Variants in CCDC138 observed in about 807,000 individuals in gnomAD.
CCDC138 encodes coiled-coil domain-containing protein 138.
In CCDC138, 66 loss-of-function variants were observed where a neutral mutation model predicts 82.3. The ratio of observed to expected loss-of-function variants is 0.80; its 90% CI spans 0.66 to 0.98. CCDC138 has a LOEUF of 0.98. CCDC138 is among the 50% of genes least tolerant of loss of function. The pLI, the probability that CCDC138 is intolerant of heterozygous loss-of-function variation, is 0.00. For missense variants in CCDC138, 816 were observed against 758.9 expected (o/e 1.08, Z -0.88); for synonymous variants, 297 against 265.4 (o/e 1.12, Z -1.16).
Position 108,875,319 on chromosome 2 carries a change from T to TA in CCDC138, c.1833-752dup, listed in dbSNP as rs66522366. ...ATGTACCCTAAAACTTAAAGTATAA[T>TA]AAAAAAAAAAAAAAAAAGAAACAAA... On this transcript the variant is annotated intron_variant, in intron 14 of 14. Coordinates refer to ENST00000295124, the MANE Select transcript of CCDC138 (RefSeq NM_144978.3). Among the ~76,000 whole-genome samples, 220 of 118,464 alleles carry TA rather than the reference T, an allele frequency of 1.9e-3. 4 individuals carry two copies. Among genetic ancestry groups the TA allele is most frequent in the African/African-American group, 8.4e-3 (208 of 24,620 alleles). The allele number at this position is 118,464 out of a possible 152,430, so 77.7% of individuals were successfully genotyped here.
chr2:108,860,199 C>T (rs2104767463), intron 13 of CCDC138, among the ~76,000 whole-genome samples: 1 of 151,932 alleles, frequency 6.6e-6, no homozygotes, highest in Admixed American at 6.6e-5. Context: ...GAATTTGTAT[C>T]TTCAGACTTC....
At position 108,839,247 on chromosome 2, in the gene CCDC138, G is replaced by A. The variant is rs775554715; in HGVS notation, c.1269G>A (p.Glu423=). ...CATTTGTGAATATCAAACTTCACGA[G>A]CCTTTTGTAAAATTTATATATTGGT... The part of the protein sequence containing the change: ...WMPFVNIKLH[E]PFVKFIYWSL... The change falls in exon 11 of 15, where the codon GAG becomes GAA. Residue 423 remains glutamate (E), a synonymous_variant. Transcript: ENST00000295124. 5.0e-6 allele frequency: 8 copies of A among 1,612,752 alleles called. No individual in the cohort carries two copies. The South Asian group carries it at 5.5e-5, about 11-fold the overall frequency.
Position 108,846,795 on chromosome 2 carries a change from G to C in CCDC138, c.1381G>C (p.Val461Leu). ...RLGEDIFKGV[V>L]TKGIQDNSPQ... ...GGGTGAAGACATTTTTAAAGGAGTGGTAACTAAAGGAATTCAGGATAATTC... is the reference window on the plus strand; with the variant it reads ...GGGTGAAGACATTTTTAAAGGAGTGCTAACTAAAGGAATTCAGGATAATTC... Residue 461 changes from valine to leucine, a missense_variant, in exon 12 of 15, where the codon GTA becomes CTA. Transcript: ENST00000295124. The C allele has an allele frequency of 6.2e-7, 1 of 1,612,526 alleles. No homozygotes were observed. The highest frequency in any genetic ancestry group is 8.5e-7 in the Non-Finnish European group (1 of 1,178,838).
At chr2:108,791,425 C>T (rs534553931) in intron 3 of CCDC138, 2 of 465,546 alleles carry the variant, frequency 4.3e-6, no homozygotes, top group African/African-American at 4.1e-5. Flanking sequence ...TAGAATATAC[C>T]ACAGGTAGGT....
chr2:108,825,951 C>CA (rs1336799655), intron 10 of CCDC138, among the ~76,000 whole-genome samples: 3 of 152,298 alleles, frequency 2.0e-5, no homozygotes, highest in African/African-American at 7.2e-5. Context: ...TTTGTCATCT[C>CA]AGTGAGTATG....
intron 10 of CCDC138, among the ~76,000 whole-genome samples, chr2:108,822,909 C>G (rs1228730274): frequency 6.6e-6 from 1 of 151,868 alleles, no homozygotes; most frequent in Admixed American, 6.6e-5. Context: ...AAACCGCTAG[C>G]TAGATGAAGG....
intron 6 of CCDC138, among the ~76,000 whole-genome samples, chr2:108,799,891 A>G (rs559415969): frequency 2.0e-5 from 3 of 152,118 alleles, no homozygotes; most frequent in East Asian, 1.9e-4. Flanking sequence ...CCATGTTGCT[A>G]TTGAGCCCAT....
chr2:108,843,025 G>A (rs1490677997), intron 11 of CCDC138, among the ~76,000 whole-genome samples: 1 of 152,126 alleles, frequency 6.6e-6, no homozygotes, highest in Non-Finnish European at 1.5e-5. Context: ...AAGAAGAGAA[G>A]GAAAGTTTAT....
rs141203437 is a variant in CCDC138 at position 108,876,166 on chromosome 2, T to G, written c.1911T>G (p.His637Gln). The change falls in exon 15 of 15, where the codon CAT becomes CAG. Residue 637 changes from histidine to glutamine, a missense_variant. His to Gln is a conservative substitution (Grantham distance 24, BLOSUM62 0). Transcript: ENST00000295124. ...TACAAAGGACAACAAACCCAGAGCATGCATTTCTCTGTATTAATCTAAATT... is the reference window on the plus strand; with the variant it reads ...TACAAAGGACAACAAACCCAGAGCAGGCATTTCTCTGTATTAATCTAAATT... ...QEIQRTTNPE[H>Q]AFLCINLNST... 1.1e-4 allele frequency: 181 copies of G among 1,612,212 alleles called. No individual in the cohort carries two copies. The African/African-American group carries it at 2.2e-3, about 20-fold the overall frequency.
chr2:108,803,340 C>T (rs1455944478), intron 6 of CCDC138, among the ~76,000 whole-genome samples: 2 of 152,238 alleles, frequency 1.3e-5, no homozygotes, highest in African/African-American at 4.8e-5. Flanking sequence ...CACACTCTGG[C>T]TCATAGAGGC....
chr2:108,880,906 A>C (rs566190320), downstream of CCDC138, among the ~76,000 whole-genome samples: 23 of 152,354 alleles, frequency 1.5e-4, no homozygotes, highest in African/African-American at 5.5e-4. Flanking sequence ...TTCAACTTTC[A>C]AGTCGATTTG....
chr2:108,837,513 A>G (rs1286926925), intron 10 of CCDC138, among the ~76,000 whole-genome samples: 1 of 152,232 alleles, frequency 6.6e-6, no homozygotes, highest in Non-Finnish European at 1.5e-5. Flanking sequence ...AAAAAAGAAT[A>G]TAAAAAGAAA....
chr2:108,831,891 C>G (rs898219216), intron 10 of CCDC138, among the ~76,000 whole-genome samples: 6 of 151,870 alleles, frequency 4.0e-5, no homozygotes, highest in African/African-American at 1.5e-4. Flanking sequence ...GGCCACCATG[C>G]CTGGCTAATT....
chr2:108,866,728 C>T (rs979328042), intron 13 of CCDC138, among the ~76,000 whole-genome samples: 2 of 152,084 alleles, frequency 1.3e-5, no homozygotes, highest in Non-Finnish European at 2.9e-5. Context: ...ACTAAAAATA[C>T]AAACATTAGC....
intron 6 of CCDC138, among the ~76,000 whole-genome samples, chr2:108,803,423 A>G (rs762317809): frequency 3.9e-5 from 6 of 152,058 alleles, no homozygotes; most frequent in Non-Finnish European, 8.8e-5. Context: ...TTAGAGCTTT[A>G]GTGGAAATTA....
intron 14 of CCDC138, 50 bp downstream of exon 14, chr2:108,873,639 G>C (rs1695602467): frequency 3.0e-6 from 4 of 1,339,736 alleles, no homozygotes; most frequent in Non-Finnish European, 4.1e-6. Flanking sequence ...ACCTTACTGT[G>C]ATCATTTAAA....
chr2:108,873,590 G>A lies in CCDC138; in HGVS notation c.1832+1G>A, dbSNP rs1319348138. The A allele has an allele frequency of 3.2e-6, 5 of 1,566,586 alleles. No individual in the cohort carries two copies. Among genetic ancestry groups the A allele is most frequent in the African/African-American group, 1.4e-5 (1 of 73,072 alleles). On this transcript the variant is annotated splice_donor_variant, in intron 14 of 14. Transcript: ENST00000295124. LOFTEE classifies it high-confidence loss of function. ...TTTTACAGAAACTTTCCAAAATCAA[G>A]TAAGAATTTCTTATTTCTAACATTT...
At chr2:108,880,909 T>C (rs1696271984), downstream of CCDC138, among the ~76,000 whole-genome samples, 3 of 152,254 alleles carry the variant, frequency 2.0e-5, no homozygotes, top group Admixed American at 2.0e-4. Context: ...AACTTTCAAG[T>C]CGATTTGCTT....
rs201132350 is a variant in CCDC138, at chr2:108,861,472, C to CTTTTTTTTT, written c.1693+4520_1693+4528dup. 1.9e-4 allele frequency among the ~76,000 whole-genome samples: 23 copies of CTTTTTTTTT among 123,500 alleles called. 2 individuals are homozygous for CTTTTTTTTT. In the South Asian group the frequency reaches 4.1e-3, roughly 22 times the overall value. The allele number at this position is 123,500 out of a possible 152,430, so 81.0% of individuals were successfully genotyped here. On this transcript the variant is annotated intron_variant, in intron 13 of 14. Coordinates refer to ENST00000295124, the MANE Select transcript of CCDC138 (RefSeq NM_144978.3). ...ACATTTAGCACTATAAACTTTCTTC[C>CTTTTTTTTT]TTTTTTTTTTTTTTTTTTTTTTTTT...
Sources: allele counts gnomAD v4.1 joint callset (sites outside exome capture counted in the v4.1 genomes callset), GRCh38; gene constraint gnomAD v4.1.1; transcripts MANE v1.5; gene names NCBI Gene and HGNC (gene_info 2026-07-23, HGNC 2026-07-21).